The following TAS2R1 variants were observed in gnomAD, a reference collection of about 807,000 sequenced individuals.
TAS2R1 encodes the protein taste receptor type 2 member 1.
For missense variants in TAS2R1, 370 were observed against 353.4 expected, an observed-to-expected ratio of 1.05 and a Z score of -0.38; for synonymous variants, 141 against 134.2, an observed-to-expected ratio of 1.05 and a Z score of -0.35.
At chr5:9,818,539 G>T in the TAS2R1 span, among the ~76,000 whole-genome samples, 1 of 152,242 alleles carries the variant, frequency 6.6e-6, no homozygotes, top group Non-Finnish European at 1.5e-5. Context: ...CTGCTCAGGT[G>T]AGTGAGCTGG....
At chr5:9,662,322 C>T (rs139645094) in intron 1 of TAS2R1, among the ~76,000 whole-genome samples, 1 of 152,270 alleles carries the variant, frequency 6.6e-6, no homozygotes, top group African/African-American at 2.4e-5. Flanking sequence ...CACTGCATGG[C>T]CATCGTGGTT....
the TAS2R1 span, among the ~76,000 whole-genome samples, chr5:9,864,111 G>A: frequency 1.3e-5 from 2 of 152,214 alleles, no homozygotes; most frequent in Admixed American, 1.3e-4. Flanking sequence ...GGGTTGGGAA[G>A]AGGGAGCCCT....
At chr5:9,640,068 C>G (rs992774711) in intron 2 of TAS2R1, among the ~76,000 whole-genome samples, 2 of 152,158 alleles carry the variant, frequency 1.3e-5, no homozygotes, top group Admixed American at 1.3e-4. Context: ...TAAGATTAAC[C>G]ATTTCTAGCT....
the TAS2R1 span, among the ~76,000 whole-genome samples, chr5:9,738,152 T>A: frequency 6.6e-6 from 1 of 152,190 alleles, no homozygotes; most frequent in East Asian, 1.9e-4. Context: ...AGAGCTGAGT[T>A]TTTTTCTCTT....
At chr5:9,682,173 A>T (rs573609952) in intron 1 of TAS2R1, among the ~76,000 whole-genome samples, 1 of 152,322 alleles carries the variant, frequency 6.6e-6, no homozygotes, top group East Asian at 1.9e-4. Context: ...ACCTAACACT[A>T]TTTTTCCTTG....
intron 2 of TAS2R1, among the ~76,000 whole-genome samples, chr5:9,647,906 T>C (rs564688065): frequency 6.6e-6 from 1 of 152,166 alleles, no homozygotes; most frequent in Non-Finnish European, 1.5e-5. Context: ...TTGAATAATG[T>C]TAACAAGCAA....
At chr5:9,882,694 A>T in the TAS2R1 span, among the ~76,000 whole-genome samples, 2 of 152,304 alleles carry the variant, frequency 1.3e-5, no homozygotes, top group Non-Finnish European at 1.5e-5. Flanking sequence ...GAGGCTGTGG[A>T]GAAATAGGAA....
At chr5:9,838,217 TA>T in the TAS2R1 span, among the ~76,000 whole-genome samples, 1 of 152,172 alleles carries the variant, frequency 6.6e-6, no homozygotes. Flanking sequence ...TGAGTATCTG[TA>T]AAAGTGCCCA....
At chr5:9,677,724 G>A (rs1009383628) in intron 1 of TAS2R1, among the ~76,000 whole-genome samples, 8 of 152,146 alleles carry the variant, frequency 5.3e-5, no homozygotes, top group Non-Finnish European at 1.0e-4. Flanking sequence ...ATAGCTAGTA[G>A]GAATAGAAAA....
the TAS2R1 span, among the ~76,000 whole-genome samples, chr5:9,736,138 TCTCA>T: frequency 6.6e-6 from 1 of 152,348 alleles, no homozygotes; most frequent in African/African-American, 2.4e-5. Flanking sequence ...CCACTGCTCC[TCTCA>T]GTGTTTTACA....
the TAS2R1 span, among the ~76,000 whole-genome samples, chr5:9,829,023 A>G: frequency 3.3e-5 from 5 of 152,334 alleles, no homozygotes; most frequent in South Asian, 8.3e-4. Flanking sequence ...TGTTATGAAT[A>G]CAGAGGAAAT....
At chr5:9,651,528 C>T (rs967910991) in intron 2 of TAS2R1, among the ~76,000 whole-genome samples, 2 of 151,982 alleles carry the variant, frequency 1.3e-5, no homozygotes, top group African/African-American at 4.8e-5. Flanking sequence ...TTCATATTCC[C>T]AAAGATTTTT....
chr5:9,834,976 A>C, the TAS2R1 span, among the ~76,000 whole-genome samples: 5 of 152,242 alleles, frequency 3.3e-5, no homozygotes, highest in South Asian at 4.1e-4. Flanking sequence ...TAATCGTTGG[A>C]GATTAAGTCT....
At chr5:9,777,839 A>G in the TAS2R1 span, among the ~76,000 whole-genome samples, 1 of 151,374 alleles carries the variant, frequency 6.6e-6, no homozygotes, top group Non-Finnish European at 1.5e-5. Context: ...CTCCTTGTAC[A>G]TCTCCACATC....
chr5:9,874,631 A>G, the TAS2R1 span, among the ~76,000 whole-genome samples: 4 of 152,208 alleles, frequency 2.6e-5, no homozygotes, highest in East Asian at 7.7e-4. Context: ...TTTATTCCTG[A>G]TCCATAGTTT....
At chr5:9,881,369 A>C in the TAS2R1 span, among the ~76,000 whole-genome samples, 1 of 152,184 alleles carries the variant, frequency 6.6e-6, no homozygotes, top group Non-Finnish European at 1.5e-5. Context: ...GAACACAAAC[A>C]AATGGAAAAA....
At chr5:9,719,203 C>A in the TAS2R1 span, among the ~76,000 whole-genome samples, 8 of 152,100 alleles carry the variant, frequency 5.3e-5, no homozygotes, top group Non-Finnish European at 1.0e-4. Context: ...CCATGATACA[C>A]ATAACTTATC....
At chr5:9,751,279 AC>A in the TAS2R1 span, among the ~76,000 whole-genome samples, 2 of 142,032 alleles carry the variant, frequency 1.4e-5, no homozygotes, top group Non-Finnish European at 3.0e-5. Context: ...ACCCTCCCCC[AC>A]CCCCACCAAA....
the TAS2R1 span, among the ~76,000 whole-genome samples, chr5:9,778,550 A>G: frequency 6.6e-6 from 1 of 152,270 alleles, no homozygotes; most frequent in African/African-American, 2.4e-5. Flanking sequence ...CTACATTGAC[A>G]ATCGATTATT....
Sources: gnomAD v4.1 joint callset for allele counts (sites outside exome capture counted in the v4.1 genomes callset) on GRCh38, gnomAD v4.1.1 for gene constraint, MANE v1.5 for transcripts, NCBI Gene and HGNC (gene_info 2026-07-23, HGNC 2026-07-21) for gene names.